ARMH4: variants seen among roughly 807,000 people sequenced by gnomAD.
ARMH4 encodes the protein armadillo like helical domain containing 4.
ARMH4 carries 49 observed loss-of-function variants against 61.9 expected under a neutral mutation model. The observed-to-expected ratio is 0.79, with a 90% CI of 0.63 to 1.00. ARMH4 has a LOEUF of 1.00. Ranked by LOEUF, ARMH4 falls within the 50% of genes least tolerant of loss-of-function variation. The pLI, the probability that ARMH4 is intolerant of heterozygous loss-of-function variation, is 0.00. For missense variants in ARMH4, 934 were observed against 930.0 expected (o/e 1.00, Z -0.06); for synonymous variants, 368 against 341.5 (o/e 1.08, Z -0.85).
At chr14:58,144,137 C>T (rs1365971934) in intron 1 of ARMH4, among the ~76,000 whole-genome samples, 1 of 152,150 alleles carries the variant, frequency 6.6e-6, no homozygotes, top group Non-Finnish European at 1.5e-5. Flanking sequence ...ATAGCATGTG[C>T]CACAGCATGT....
At chr14:58,061,157 A>G (rs1884518865) in intron 5 of ARMH4, among the ~76,000 whole-genome samples, 1 of 152,150 alleles carries the variant, frequency 6.6e-6, no homozygotes, top group African/African-American at 2.4e-5. Flanking sequence ...AATCGAATCC[A>G]TCCCTCTCAG....
chr14:58,065,571 A>G (rs1884677183), intron 5 of ARMH4, among the ~76,000 whole-genome samples: 1 of 152,222 alleles, frequency 6.6e-6, no homozygotes, highest in South Asian at 2.1e-4. Context: ...TTACTGGAGG[A>G]GAGAAATTAA....
chr14:58,136,125 A>T (rs1050263619), intron 2 of ARMH4, among the ~76,000 whole-genome samples: 1 of 152,192 alleles, frequency 6.6e-6, no homozygotes, highest in Non-Finnish European at 1.5e-5. Context: ...AGTTCCTACT[A>T]TGTGCCAGGA....
intron 5 of ARMH4, among the ~76,000 whole-genome samples, chr14:58,013,489 G>A (rs1356643500): frequency 6.6e-6 from 1 of 152,004 alleles, no homozygotes; most frequent in African/African-American, 2.4e-5. Flanking sequence ...GCTGGCCCCT[G>A]GCATAGATAT....
At chr14:58,041,639 C>T (rs2141183243) in intron 5 of ARMH4, among the ~76,000 whole-genome samples, 1 of 152,278 alleles carries the variant, frequency 6.6e-6, no homozygotes, top group South Asian at 2.1e-4. Flanking sequence ...AATTAAAAGA[C>T]ACAGACTGGC....
At chr14:58,039,086 T>C (rs1883592267) in intron 5 of ARMH4, among the ~76,000 whole-genome samples, 1 of 152,254 alleles carries the variant, frequency 6.6e-6, no homozygotes, top group African/African-American at 2.4e-5. Flanking sequence ...GCAGGGCACC[T>C]GTGCAGACTC....
chr14:58,004,815 A>C lies in ARMH4; in HGVS notation c.2257-11T>G. ...GTTGAATTCTCTCTGCTAGAGAAAG[A>C]AAACAGAAAAGCATTAAACTCTTTC... On this transcript the variant is annotated splice_polypyrimidine_tract_variant and intron_variant, in intron 7 of 7. Coordinates refer to ENST00000267485, the MANE Select transcript of ARMH4 (RefSeq NM_001001872.4). 6.2e-7 allele frequency: 1 copy of C among 1,605,714 alleles called. No individual in the cohort carries two copies. The highest frequency in any genetic ancestry group is 1.3e-5 in the African/African-American group (1 of 74,912).
At chr14:58,010,110 T>C (rs1882347817) in intron 6 of ARMH4, among the ~76,000 whole-genome samples, 1 of 152,184 alleles carries the variant, frequency 6.6e-6, no homozygotes, top group African/African-American at 2.4e-5. Flanking sequence ...TTTTTAGTTC[T>C]AAGGGATTCT....
At chr14:58,008,540 T>C (rs943995270) in intron 6 of ARMH4, among the ~76,000 whole-genome samples, 1 of 152,222 alleles carries the variant, frequency 6.6e-6, no homozygotes, top group African/African-American at 2.4e-5. Flanking sequence ...TCAGAATAGC[T>C]GTCATCAAGA....
intron 5 of ARMH4, among the ~76,000 whole-genome samples, chr14:58,028,292 G>T (rs934949849): frequency 1.3e-5 from 2 of 152,188 alleles, no homozygotes; most frequent in African/African-American, 4.8e-5. Flanking sequence ...TGTACACCCT[G>T]AATTGCAGCA....
chr14:58,096,608 A>G, intron 5 of ARMH4, 116 bp downstream of exon 5: 2 of 1,229,290 alleles, frequency 1.6e-6, no homozygotes, highest in East Asian at 2.6e-5. Context: ...GAAACCACCC[A>G]TAAACAAAGA....
At position 58,132,417 on chromosome 14, in the gene ARMH4, C is replaced by A. The variant is rs569503408; in HGVS notation, c.1621+673G>T. Among the ~76,000 whole-genome samples, 11 of 152,118 alleles carry A rather than the reference C, an allele frequency of 7.2e-5. No homozygotes were observed. In the South Asian group the frequency reaches 2.3e-3, roughly 32 times the overall value. ...CTTGAGGCTACAATATTAGTGAAAG[C>A]CAAAGTTGCGATTCAAATTCAGGTC... On this transcript the variant is annotated intron_variant, in intron 3 of 7. Coordinates refer to ENST00000267485, the MANE Select transcript of ARMH4 (RefSeq NM_001001872.4).
chr14:58,065,479 A>ATT (rs1884674035), intron 5 of ARMH4, among the ~76,000 whole-genome samples: 1 of 152,264 alleles, frequency 6.6e-6, no homozygotes, highest in Non-Finnish European at 1.5e-5. Flanking sequence ...TACTGCAAGT[A>ATT]TACAGCATAC....
chr14:58,045,466 G>T (rs1883901451), intron 5 of ARMH4, among the ~76,000 whole-genome samples: 1 of 152,156 alleles, frequency 6.6e-6, no homozygotes, highest in Admixed American at 6.5e-5. Context: ...CTGTTGTGGG[G>T]TGAGGGGAGT....
At chr14:58,140,692 G>A (rs1475452804) in intron 1 of ARMH4, among the ~76,000 whole-genome samples, 5 of 152,062 alleles carry the variant, frequency 3.3e-5, no homozygotes, top group African/African-American at 4.8e-5. Context: ...CCTGAGGTCA[G>A]GAGTTCAAGA....
At chr14:58,140,921 C>A (rs1311444087) in intron 1 of ARMH4, among the ~76,000 whole-genome samples, 4 of 151,822 alleles carry the variant, frequency 2.6e-5, no homozygotes, top group Non-Finnish European at 5.9e-5. Context: ...AATAAAGAGA[C>A]CCCCAAGAGC....
intron 5 of ARMH4, among the ~76,000 whole-genome samples, chr14:58,093,784 A>G (rs931513918): frequency 4.6e-5 from 7 of 152,158 alleles, no homozygotes; most frequent in Non-Finnish European, 8.8e-5. Context: ...ATACTCCTCA[A>G]ACACAATCTT....
At chr14:58,025,104 C>T (rs1454874840) in intron 5 of ARMH4, among the ~76,000 whole-genome samples, 1 of 152,044 alleles carries the variant, frequency 6.6e-6, no homozygotes, top group Non-Finnish European at 1.5e-5. Flanking sequence ...TTGCCACGAA[C>T]CCTCAATTTT....
At chr14:58,093,275 T>A (rs1479817135) in intron 5 of ARMH4, among the ~76,000 whole-genome samples, 1 of 152,112 alleles carries the variant, frequency 6.6e-6, no homozygotes, top group Non-Finnish European at 1.5e-5. Context: ...GACAACAAAC[T>A]AATAATACAC....
Sources: allele counts gnomAD v4.1 joint callset (sites outside exome capture counted in the v4.1 genomes callset), GRCh38; gene constraint gnomAD v4.1.1; transcripts MANE v1.5; gene names NCBI Gene and HGNC (gene_info 2026-07-23, HGNC 2026-07-21).